DLG2: variants seen among roughly 807,000 people sequenced by gnomAD.
DLG2 encodes discs large MAGUK scaffold protein 2.
A neutral mutation model predicts 132.5 loss-of-function variants in DLG2; 45 were observed. The observed-to-expected ratio is 0.34, with a 90% CI of 0.27 to 0.44. The LOEUF is 0.44. DLG2 is among the 20% of genes least tolerant of loss of function. The pLI is 1.00. For missense variants in DLG2, 1,045 were observed against 1,196.9 expected (o/e 0.87, Z 1.87); for synonymous variants, 424 against 419.6 (o/e 1.01, Z -0.13).
chr11:84,273,416 A>G, intron 7 of DLG2: 1 of 1,208,048 alleles, frequency 8.3e-7, no homozygotes, highest in Non-Finnish European at 1.1e-6. Context: ...TAATCAGAAC[A>G]TTTCTTTTGG....
chr11:84,996,369 T>TC (rs1383528087), intron 6 of DLG2, among the ~76,000 whole-genome samples: 3 of 152,106 alleles, frequency 2.0e-5, no homozygotes, highest in Admixed American at 6.6e-5. Flanking sequence ...CTATGTCTCT[T>TC]AACTTCTCCC....
At chr11:85,193,661 A>G (rs2080800485) in intron 4 of DLG2, among the ~76,000 whole-genome samples, 1 of 152,098 alleles carries the variant, frequency 6.6e-6, no homozygotes, top group East Asian at 1.9e-4. Context: ...TGTTTTAGCC[A>G]TTTGTTCATC....
chr11:83,478,367 G>A (rs186225730), intron 22 of DLG2, among the ~76,000 whole-genome samples: 73 of 152,100 alleles, frequency 4.8e-4, no homozygotes, highest in African/African-American at 1.7e-3. Context: ...TTCCATATTT[G>A]CCCTACTAAT....
At chr11:84,007,536 C>A (rs1320645092) in intron 11 of DLG2, among the ~76,000 whole-genome samples, 1 of 151,620 alleles carries the variant, frequency 6.6e-6, no homozygotes, top group Non-Finnish European at 1.5e-5. Flanking sequence ...TATACTTTTG[C>A]CCAACTTAGT....
At chr11:84,570,662 G>C (rs2099479252) in intron 6 of DLG2, among the ~76,000 whole-genome samples, 1 of 152,114 alleles carries the variant, frequency 6.6e-6, no homozygotes, top group Admixed American at 6.6e-5. Context: ...TCAACTTCTA[G>C]AGCCTAGATC....
intron 10 of DLG2, among the ~76,000 whole-genome samples, chr11:84,088,496 T>G (rs942530804): frequency 1.9e-4 from 29 of 152,186 alleles, no homozygotes; most frequent in African/African-American, 5.8e-4. Flanking sequence ...ATAGGAAAAC[T>G]CCAGCTGCGA....
At chr11:84,070,734 G>T (rs1479291317) in intron 10 of DLG2, among the ~76,000 whole-genome samples, 1 of 152,194 alleles carries the variant, frequency 6.6e-6, no homozygotes, top group Non-Finnish European at 1.5e-5. Context: ...TTCTAATCCT[G>T]GGTTTCTGCC....
At chr11:84,063,783 A>T (rs191640591) in intron 10 of DLG2, among the ~76,000 whole-genome samples, 3 of 152,242 alleles carry the variant, frequency 2.0e-5, no homozygotes, top group Non-Finnish European at 4.4e-5. Flanking sequence ...CTGTGCAGCC[A>T]TAAAAAATGA....
chr11:85,487,636 T>C (rs1198870867), intron 3 of DLG2, among the ~76,000 whole-genome samples: 1 of 151,760 alleles, frequency 6.6e-6, no homozygotes, highest in Admixed American at 6.6e-5. Context: ...CAAAAATTTT[T>C]AAAAAAATAA....
chr11:83,556,619 G>A (rs2096525606), intron 19 of DLG2, among the ~76,000 whole-genome samples: 1 of 152,102 alleles, frequency 6.6e-6, no homozygotes, highest in African/African-American at 2.4e-5. Context: ...TGATGCTCCT[G>A]TCTCAGCCTC....
chr11:85,376,068 T>C (rs2085378381), intron 3 of DLG2, among the ~76,000 whole-genome samples: 1 of 152,206 alleles, frequency 6.6e-6, no homozygotes, highest in African/African-American at 2.4e-5. Context: ...TAAGTAGTTA[T>C]AGAGCACATA....
intron 19 of DLG2, among the ~76,000 whole-genome samples, chr11:83,560,609 C>T (rs183218780): frequency 5.1e-4 from 78 of 152,232 alleles, no homozygotes; most frequent in Non-Finnish European, 9.3e-4. Context: ...ATTAAGGAGC[C>T]ACTAAAAACT....
chr11:83,637,859 A>G (rs1307561188), intron 18 of DLG2, among the ~76,000 whole-genome samples: 1 of 152,194 alleles, frequency 6.6e-6, no homozygotes, highest in Non-Finnish European at 1.5e-5. Context: ...CTGTATAGAC[A>G]GGACTTTCAT....
intron 9 of DLG2, among the ~76,000 whole-genome samples, chr11:84,151,200 C>CTT (rs1381706947): frequency 1.4e-5 from 2 of 142,512 alleles, no homozygotes; most frequent in Non-Finnish European, 1.5e-5. Context: ...GTAAGATTGG[C>CTT]TTTTTTTTTT....
At chr11:84,464,657 C>T (rs1394353199) in intron 7 of DLG2, among the ~76,000 whole-genome samples, 1 of 150,924 alleles carries the variant, frequency 6.6e-6, no homozygotes, top group Admixed American at 6.6e-5. Context: ...GTTCTTAGCA[C>T]ATAATAATTG....
chr11:84,196,860 C>T (rs932461173), intron 8 of DLG2, among the ~76,000 whole-genome samples: 5 of 151,164 alleles, frequency 3.3e-5, no homozygotes, highest in Admixed American at 2.6e-4. Context: ...GTCAACAAGG[C>T]GAAACAACTC....
chr11:84,367,419 C>T (rs1398136663), intron 7 of DLG2, among the ~76,000 whole-genome samples: 1 of 151,994 alleles, frequency 6.6e-6, no homozygotes, highest in Non-Finnish European at 1.5e-5. Flanking sequence ...CAGACTTGGC[C>T]CATGAACTGT....
At chr11:84,320,761 A>G (rs543654961) in intron 7 of DLG2, among the ~76,000 whole-genome samples, 104 of 152,338 alleles carry the variant, frequency 6.8e-4, no homozygotes, top group African/African-American at 2.2e-3. Flanking sequence ...AGATTTAACC[A>G]AAACAGAGGA....
At chr11:84,814,377 G>C (rs17741177) in intron 6 of DLG2, among the ~76,000 whole-genome samples, 18,864 of 151,978 alleles carry the variant, frequency 0.12, 1,520 homozygotes, top group South Asian at 0.17. Context: ...TTCTGCTCTA[G>C]ATCACTGGAT....
Sources: gnomAD v4.1 joint callset for allele counts (sites outside exome capture counted in the v4.1 genomes callset) on GRCh38, gnomAD v4.1.1 for gene constraint, MANE v1.5 for transcripts, NCBI Gene and HGNC (gene_info 2026-07-23, HGNC 2026-07-21) for gene names.